Variants in PAPPA observed in about 807,000 individuals in gnomAD.
PAPPA encodes pappalysin 1.
A neutral mutation model predicts 164.0 loss-of-function variants in PAPPA; 60 were observed. That is an observed-to-expected ratio of 0.37 (90% CI 0.30 to 0.45). The LOEUF (loss-of-function observed/expected upper bound fraction) is 0.45, where lower values mean the gene tolerates loss of function less well. PAPPA is among the 20% of genes least tolerant of loss of function. The pLI, the probability that PAPPA is intolerant of heterozygous loss-of-function variation, is 1.00. For missense variants in PAPPA, 1,782 were observed against 2,087.3 expected (o/e 0.85, Z 2.85); for synonymous variants, 875 against 814.1 (o/e 1.07, Z -1.27).
intron 4 of PAPPA, among the ~76,000 whole-genome samples, chr9:116,216,041 G>A (rs1470140614): frequency 1.3e-5 from 2 of 151,774 alleles, no homozygotes; most frequent in African/African-American, 4.8e-5. Context: ...TTTATTTTTT[G>A]TAACATTTTG....
intron 10 of PAPPA, among the ~76,000 whole-genome samples, chr9:116,319,951 A>G (rs1426940706): frequency 1.3e-5 from 2 of 152,210 alleles, no homozygotes; most frequent in African/African-American, 4.8e-5. Flanking sequence ...GGCCTCTAAC[A>G]TAAGCTTTTC....
At chr9:116,168,693 T>C (rs575268124) in intron 1 of PAPPA, among the ~76,000 whole-genome samples, 36 of 152,314 alleles carry the variant, frequency 2.4e-4, no homozygotes, top group Middle Eastern at 3.4e-3. Flanking sequence ...CACTTCTGGA[T>C]TCATGCCTCA....
At chr9:116,188,349 C>A in intron 2 of PAPPA, 133 bp downstream of exon 2, 1 of 655,320 alleles carries the variant, frequency 1.5e-6, no homozygotes, top group Non-Finnish European at 2.6e-6. Context: ...ATGATTGAGG[C>A]AAGTCTTTTA....
intron 12 of PAPPA, 54 bp from the exon 13 acceptor site, chr9:116,334,807 G>T: frequency 7.2e-7 from 1 of 1,389,414 alleles, no homozygotes; most frequent in South Asian, 1.2e-5. Flanking sequence ...GGGAGGGCGT[G>T]ACTGGCCTTG....
At chr9:116,256,802 A>G (rs1027147890) in intron 7 of PAPPA, among the ~76,000 whole-genome samples, 4 of 152,040 alleles carry the variant, frequency 2.6e-5, no homozygotes, top group African/African-American at 9.6e-5. Context: ...AAACTAAAAT[A>G]TAGTAATAAT....
rs915708329 is a variant in PAPPA, at chr9:116,187,568, C to T, written c.830C>T (p.Ala277Val). ...CTGTCTGACATGGAAACCCATGGCG[C>T]CCACACTGCTCTACCTCAGCTCCTC... is the stretch of plus-strand genomic sequence containing the variant. The part of the protein sequence containing the change: ...EILSDMETHG[A>V]HTALPQLLLQ... The change falls in exon 2 of 22, where the codon GCC (alanine) becomes GTC (valine). Residue 277 changes from alanine to valine, a missense_variant. Around this residue, in one of 2 missense-constraint regions of PAPPA, gnomAD observed 458 missense variants for 430.3 expected, o/e 1.06. Coordinates refer to ENST00000328252, the MANE Select transcript of PAPPA (RefSeq NM_002581.5). The surrounding 1 kb of genome is among the most constrained non-coding windows in gnomAD (Gnocchi z 4.2). 5.0e-6 allele frequency: 8 copies of T among 1,614,072 alleles called. No homozygotes were observed. The highest frequency in any genetic ancestry group is 1.7e-5 in the Admixed American group (1 of 60,006).
chr9:116,181,858 A>G (rs1311105724), intron 1 of PAPPA, among the ~76,000 whole-genome samples: 1 of 152,272 alleles, frequency 6.6e-6, no homozygotes, highest in Non-Finnish European at 1.5e-5. Context: ...TTTGGTAATA[A>G]AGAACCATCA....
At chr9:116,161,980 C>T (rs769963162) in intron 1 of PAPPA, among the ~76,000 whole-genome samples, 31 of 152,110 alleles carry the variant, frequency 2.0e-4, no homozygotes, top group Non-Finnish European at 3.2e-4. Context: ...TTAGGGACTC[C>T]CCCAAGGTCG....
At chr9:116,375,881 T>A (rs1336211584) in intron 19 of PAPPA, among the ~76,000 whole-genome samples, 2 of 152,242 alleles carry the variant, frequency 1.3e-5, no homozygotes, top group African/African-American at 2.4e-5. Context: ...ACTTCCATAG[T>A]TGGTTGTTCA....
intron 21 of PAPPA, among the ~76,000 whole-genome samples, chr9:116,383,208 C>A (rs1846756233): frequency 6.6e-6 from 1 of 152,186 alleles, no homozygotes; most frequent in Non-Finnish European, 1.5e-5. Context: ...GCCGCTGAGA[C>A]CAGAGTGAGG....
intron 21 of PAPPA, among the ~76,000 whole-genome samples, chr9:116,383,772 CCTACCCTT>C (rs1846765056): frequency 6.6e-6 from 1 of 152,140 alleles, no homozygotes; most frequent in Non-Finnish European, 1.5e-5. Flanking sequence ...TTTCAGCATG[CCTACCCTT>C]CTTTGGTTTC....
chr9:116,260,138 T>TA (rs1844983915), intron 7 of PAPPA, among the ~76,000 whole-genome samples: 1 of 152,084 alleles, frequency 6.6e-6, no homozygotes, highest in African/African-American at 2.4e-5. Context: ...GCAAAAAGTG[T>TA]AAAAATGTGC....
At chr9:116,308,372 T>C (rs1398957903) in intron 10 of PAPPA, among the ~76,000 whole-genome samples, 3 of 152,246 alleles carry the variant, frequency 2.0e-5, no homozygotes, top group Non-Finnish European at 2.9e-5. Context: ...TTTCAGAAGA[T>C]CCTGGACAAA....
At chr9:116,288,363 A>G (rs1418074094) in intron 9 of PAPPA, among the ~76,000 whole-genome samples, 1 of 152,120 alleles carries the variant, frequency 6.6e-6, no homozygotes, top group Non-Finnish European at 1.5e-5. Flanking sequence ...AGCGCACTCA[A>G]GCCCAGGTGT....
Position 116,187,385 on chromosome 9 carries a change from A to G in PAPPA, c.647A>G (p.Gln216Arg), listed in dbSNP as rs1328570570. Residue 216 changes from glutamine (Q) to arginine (R), a missense_variant, in exon 2 of 22, where the codon CAG becomes CGG. Physicochemically the swap from Gln to Arg is conservative, Grantham distance 43 (BLOSUM62 1). Coordinates refer to ENST00000328252, the MANE Select transcript of PAPPA (RefSeq NM_002581.5). This position sits in a 1 kb window ranked among gnomAD's most constrained non-coding sequence, Gnocchi z 4.2. ...QFMKLYVNGA[Q>R]VATSGEQVGG... is the part of the protein sequence containing the mutation. ...ATGAAGCTCTATGTGAATGGTGCCC[A>G]GGTGGCCACCTCTGGGGAACAAGTG... The G allele has an allele frequency of 1.2e-6, 2 of 1,614,036 alleles. No homozygotes were observed. The highest frequency in any genetic ancestry group is 1.3e-5 in the African/African-American group (1 of 74,932).
In PAPPA at chr9:116,296,497, G is replaced by A. The variant is rs561291147; in HGVS notation, c.2954-6260G>A. Among the ~76,000 whole-genome samples, 5 of 152,260 alleles carry A rather than the reference G, an allele frequency of 3.3e-5. No homozygotes were observed. The South Asian group carries it at 1.0e-3, about 32-fold the overall frequency. On this transcript the variant is annotated intron_variant, in intron 9 of 21. Coordinates refer to ENST00000328252, the MANE Select transcript of PAPPA (RefSeq NM_002581.5). ...AGGACTCCACAATTCTGTTCGCAGA[G>A]ATCTTGTCTGCCTGATAAGGAAACA...
intron 9 of PAPPA, among the ~76,000 whole-genome samples, chr9:116,291,064 G>T (rs1845430096): frequency 6.6e-6 from 1 of 152,080 alleles, no homozygotes; most frequent in Admixed American, 6.6e-5. Context: ...GTCATTTAGG[G>T]CTTTGAACAT....
chr9:116,224,544 T>G (rs917581203), intron 5 of PAPPA, among the ~76,000 whole-genome samples: 2 of 152,208 alleles, frequency 1.3e-5, no homozygotes, highest in African/African-American at 4.8e-5. Flanking sequence ...ATAAGTACTA[T>G]TTTAGTTTCA....
rs571219259 is a variant in PAPPA, at chr9:116,158,116, C to A, written c.415+3529C>A. 3.3e-5 allele frequency among the ~76,000 whole-genome samples: 5 copies of A among 152,240 alleles called. No homozygotes were observed. The South Asian group carries it at 1.0e-3, about 32-fold the overall frequency. ...TGCTCAGAAGGAGAAAAGGATTTAC[C>A]TGAATCCCATCCAGCACCTCTGCTT... On this transcript the variant is annotated intron_variant, in intron 1 of 21. Coordinates refer to ENST00000328252, the MANE Select transcript of PAPPA (RefSeq NM_002581.5).
Sources: gnomAD v4.1 joint callset for allele counts (sites outside exome capture counted in the v4.1 genomes callset) on GRCh38, gnomAD v4.1.1 for gene constraint, gnomAD v4.1.1 regional missense constraint, Gnocchi (gnomAD v3.1) non-coding constraint, MANE v1.5 for transcripts, NCBI Gene and HGNC (gene_info 2026-07-23, HGNC 2026-07-21) for gene names.